SBF2: variants seen among roughly 807,000 people sequenced by gnomAD.
SBF2 encodes SET binding factor 2.
In SBF2, 112 loss-of-function variants were observed where a neutral mutation model predicts 225.2. The observed-to-expected ratio is 0.50, with a 90% CI of 0.43 to 0.58. The LOEUF is 0.58. SBF2 is among the 20% of genes least tolerant of loss of function. SBF2 has a pLI of 0.00. For missense variants in SBF2, 1,996 were observed against 2,206.2 expected (o/e 0.90, Z 1.91); for synonymous variants, 763 against 773.3 (o/e 0.99, Z 0.22).
intron 2 of SBF2, among the ~76,000 whole-genome samples, chr11:10,143,998 C>T (rs757251884): frequency 6.6e-6 from 1 of 152,116 alleles, no homozygotes; most frequent in East Asian, 1.9e-4. Context: ...GGATTACAGG[C>T]GTGAGCCACT....
chr11:10,217,190 CA>C (rs1958163974), intron 1 of SBF2, among the ~76,000 whole-genome samples: 1 of 152,054 alleles, frequency 6.6e-6, no homozygotes, highest in Non-Finnish European at 1.5e-5. Flanking sequence ...ATTAAAAATA[CA>C]AAATTCCCCA....
intron 17 of SBF2, among the ~76,000 whole-genome samples, chr11:9,876,394 C>T (rs1314997433): frequency 6.6e-6 from 1 of 152,074 alleles, no homozygotes; most frequent in African/African-American, 2.4e-5. Context: ...ATGTTGAAAC[C>T]CTATCTCCAT....
At chr11:9,914,236 G>A (rs1446137311) in intron 16 of SBF2, among the ~76,000 whole-genome samples, 3 of 152,152 alleles carry the variant, frequency 2.0e-5, no homozygotes, top group Non-Finnish European at 4.4e-5. Context: ...GACAATATAA[G>A]TAGAAAGATG....
intron 9 of SBF2, among the ~76,000 whole-genome samples, 165 bp from the exon 10 acceptor site, chr11:9,994,163 C>T (rs1237047841): frequency 6.6e-6 from 1 of 152,046 alleles, no homozygotes; most frequent in Non-Finnish European, 1.5e-5. Context: ...GAAAGATCTC[C>T]AAGACAAAAT....
intron 1 of SBF2, among the ~76,000 whole-genome samples, chr11:10,232,113 C>A (rs1056234539): frequency 2.0e-5 from 3 of 152,204 alleles, no homozygotes; most frequent in Non-Finnish European, 4.4e-5. Flanking sequence ...GAGCCAGGTG[C>A]GGGATATAAT....
intron 16 of SBF2, among the ~76,000 whole-genome samples, chr11:9,937,662 G>A (rs1284903228): frequency 2.6e-5 from 4 of 151,512 alleles, no homozygotes; most frequent in Non-Finnish European, 4.4e-5. Flanking sequence ...ATAAAAACGG[G>A]CAAAAAAGAT....
At chr11:10,205,222 G>A (rs147017202) in intron 1 of SBF2, among the ~76,000 whole-genome samples, 2 of 151,898 alleles carry the variant, frequency 1.3e-5, no homozygotes, top group East Asian at 1.9e-4. Context: ...GGTAATGGTC[G>A]CACAACTCTT....
chr11:10,272,397 T>C (rs1962564434), intron 1 of SBF2: 1 of 481,874 alleles, frequency 2.1e-6, no homozygotes, highest in East Asian at 3.2e-5. Flanking sequence ...TGCAACAATT[T>C]CTTCAATAAC....
At chr11:9,814,818 C>G (rs948388868) in intron 29 of SBF2, among the ~76,000 whole-genome samples, 5 of 152,084 alleles carry the variant, frequency 3.3e-5, no homozygotes, top group African/African-American at 1.2e-4. Context: ...AGTTACTAAC[C>G]AAAGTATTGA....
intron 1 of SBF2, among the ~76,000 whole-genome samples, chr11:10,211,899 C>T (rs1454072763): frequency 6.6e-6 from 1 of 152,150 alleles, no homozygotes; most frequent in African/African-American, 2.4e-5. Context: ...CTGTTTCTAG[C>T]AAAGAGACCA....
intron 1 of SBF2, among the ~76,000 whole-genome samples, chr11:10,211,211 G>A (rs2135382911): frequency 6.6e-6 from 1 of 152,186 alleles, no homozygotes; most frequent in South Asian, 2.1e-4. Flanking sequence ...AGCCTTCTCA[G>A]AGAAGATACA....
chr11:9,971,569 C>T (rs181637407), intron 13 of SBF2, among the ~76,000 whole-genome samples: 72 of 152,230 alleles, frequency 4.7e-4, no homozygotes, highest in African/African-American at 1.7e-3. Flanking sequence ...GTCCCAGCTA[C>T]TCAGGGGACT....
chr11:10,024,143 G>C (rs913062724), intron 6 of SBF2, among the ~76,000 whole-genome samples: 1 of 152,108 alleles, frequency 6.6e-6, no homozygotes, highest in East Asian at 1.9e-4. Context: ...TATGTTGCGT[G>C]TATCAGCCAT....
At chr11:10,283,533 A>G (rs555544945) in intron 1 of SBF2, among the ~76,000 whole-genome samples, 37 of 152,312 alleles carry the variant, frequency 2.4e-4, no homozygotes, top group Non-Finnish European at 4.7e-4. Flanking sequence ...TGATATGAAA[A>G]AAAACAAGAA....
rs1947481392 is a variant in SBF2, at chr11:9,992,484, A to G, written c.1227T>C (p.Ser409=). 1 of 1,613,270 alleles carries G rather than the reference A, an allele frequency of 6.2e-7. No homozygotes were observed. The highest frequency in any genetic ancestry group is 1.1e-5 in the South Asian group (1 of 91,030). ...AAACAAAACCTGCAAATGCCATTCCACTGAGTACTTTAGTGAGGAAATCAT... is the reference window on the plus strand; with the variant it reads ...AAACAAAACCTGCAAATGCCATTCCGCTGAGTACTTTAGTGAGGAAATCAT... ...VENDFLTKVL[S]GMAFAGFVSE... is the part of the protein sequence containing the mutation. Residue 409 remains serine (S), a synonymous_variant, in exon 12 of 40, where the codon AGT becomes AGC. Coordinates refer to ENST00000256190, the MANE Select transcript of SBF2 (RefSeq NM_030962.4).
chr11:10,266,621 A>G (rs1962018285), intron 1 of SBF2, among the ~76,000 whole-genome samples: 1 of 152,250 alleles, frequency 6.6e-6, no homozygotes, highest in Non-Finnish European at 1.5e-5. Flanking sequence ...ATTTAACTGA[A>G]AGCAAGGAAA....
intron 16 of SBF2, among the ~76,000 whole-genome samples, chr11:9,916,389 G>A (rs1378809063): frequency 6.6e-6 from 1 of 152,008 alleles, no homozygotes; most frequent in African/African-American, 2.4e-5. Context: ...TAATGAAAAT[G>A]TTTTTGAAAT....
chr11:9,996,786 T>G (rs1288800488), intron 9 of SBF2, among the ~76,000 whole-genome samples: 2 of 152,216 alleles, frequency 1.3e-5, no homozygotes, highest in African/African-American at 4.8e-5. Flanking sequence ...AAAAACATAA[T>G]TATTAAAATA....
At chr11:10,077,803 A>G (rs1199017310) in intron 2 of SBF2, among the ~76,000 whole-genome samples, 2 of 152,242 alleles carry the variant, frequency 1.3e-5, no homozygotes, top group Admixed American at 6.5e-5. Flanking sequence ...TAATTAAACT[A>G]AAGAGCTTCT....
Sources: allele counts gnomAD v4.1 joint callset (sites outside exome capture counted in the v4.1 genomes callset), GRCh38; gene constraint gnomAD v4.1.1; transcripts MANE v1.5; gene names NCBI Gene and HGNC (gene_info 2026-07-23, HGNC 2026-07-21).